The following LHFPL2 variants were observed in gnomAD, a reference collection of about 807,000 sequenced individuals.
The protein encoded by LHFPL2 is LHFPL tetraspan subfamily member 2 protein.
LHFPL2 carries 7 observed loss-of-function variants against 17.5 expected under a neutral mutation model. The observed-to-expected ratio is 0.40, with a 90% CI of 0.23 to 0.75. The LOEUF is 0.75. LHFPL2 is among the 30% of genes least tolerant of loss of function. LHFPL2 has a pLI of 0.37. For synonymous variants in LHFPL2, 134 were observed against 116.2 expected (o/e 1.15, Z -0.99); for missense variants, 241 against 294.8 (o/e 0.82, Z 1.34).
intron 2 of LHFPL2, among the ~76,000 whole-genome samples, chr5:78,576,370 GAA>G (rs1458226119): frequency 6.6e-6 from 1 of 151,910 alleles, no homozygotes; most frequent in East Asian, 1.9e-4. Flanking sequence ...AATTACCCAC[GAA>G]AAAGTAAATA....
rs993263485 is a variant in LHFPL2 at position 78,510,409 on chromosome 5, G to C, written c.-185-11C>G. The C allele has an allele frequency of 5.3e-6, 3 of 569,962 alleles. No homozygotes were observed. The highest frequency in any genetic ancestry group is 6.9e-5 in the Admixed American group (2 of 28,988). 35.3% of individuals were successfully genotyped at this position (569,962 alleles called of 1,614,324 possible). A position where few individuals can be genotyped will look rare whatever the true frequency, so the allele number is the denominator to read the frequency against. On this transcript the variant is annotated splice_polypyrimidine_tract_variant and intron_variant, in intron 3 of 4. Coordinates refer to ENST00000380345, the MANE Select transcript of LHFPL2 (RefSeq NM_005779.3). ...CGCCTGCGGCCTCACCTAGGGGAGA[G>C]GGAGGGCGGTTAGCAGCGCCGCCAG... is the stretch of plus-strand genomic sequence containing the variant.
intron 2 of LHFPL2, among the ~76,000 whole-genome samples, chr5:78,621,420 A>G (rs1744849501): frequency 6.6e-6 from 1 of 151,308 alleles, no homozygotes; most frequent in Non-Finnish European, 1.5e-5. Flanking sequence ...GCCTGCCTGC[A>G]TCTCGGTGGA....
chr5:78,574,941 G>A (rs528481607), intron 2 of LHFPL2, among the ~76,000 whole-genome samples: 1 of 152,330 alleles, frequency 6.6e-6, no homozygotes, highest in South Asian at 2.1e-4. Context: ...GGCTGTCAGA[G>A]CAGGAAGGAC....
At chr5:78,531,690 T>C (rs1047311321) in intron 3 of LHFPL2, among the ~76,000 whole-genome samples, 1 of 152,146 alleles carries the variant, frequency 6.6e-6, no homozygotes, top group Admixed American at 6.5e-5. Context: ...CCTACATTTC[T>C]CAACCTCCTC....
intron 4 of LHFPL2, among the ~76,000 whole-genome samples, chr5:78,494,794 T>C (rs915600312): frequency 6.6e-6 from 1 of 152,216 alleles, no homozygotes; most frequent in Admixed American, 6.5e-5. Flanking sequence ...CTTTGGGGAA[T>C]CTAAATACGT....
At chr5:78,539,376 C>A (rs948146779) in intron 3 of LHFPL2, among the ~76,000 whole-genome samples, 2 of 152,156 alleles carry the variant, frequency 1.3e-5, no homozygotes, top group Non-Finnish European at 2.9e-5. Flanking sequence ...ATTAAGTGAA[C>A]GAAGTGAACC....
At chr5:78,539,741 C>T (rs1756051053) in intron 3 of LHFPL2, among the ~76,000 whole-genome samples, 2 of 151,706 alleles carry the variant, frequency 1.3e-5, no homozygotes, top group Admixed American at 6.5e-5. Context: ...CCTAAAACCA[C>T]ATAGCCTGCT....
At chr5:78,595,501 G>A (rs1485888204) in intron 2 of LHFPL2, among the ~76,000 whole-genome samples, 1 of 152,160 alleles carries the variant, frequency 6.6e-6, no homozygotes, top group East Asian at 1.9e-4. Context: ...GACCAGGCTA[G>A]GAGAATCTTC....
At chr5:78,638,739 G>A (rs2112524532) in intron 1 of LHFPL2, among the ~76,000 whole-genome samples, 1 of 152,288 alleles carries the variant, frequency 6.6e-6, no homozygotes, top group African/African-American at 2.4e-5. Flanking sequence ...GAACCTGAGT[G>A]GCTGACGGGC....
At chr5:78,628,776 T>C (rs150412626) in intron 2 of LHFPL2, among the ~76,000 whole-genome samples, 210 of 152,366 alleles carry the variant, frequency 1.4e-3, no homozygotes, top group African/African-American at 4.8e-3. Flanking sequence ...CTGTTTGTTT[T>C]CTTTTTCAAA....
At chr5:78,528,827 A>C (rs1755696881) in intron 3 of LHFPL2, among the ~76,000 whole-genome samples, 1 of 152,230 alleles carries the variant, frequency 6.6e-6, no homozygotes, top group Admixed American at 6.5e-5. Context: ...TTCAACACCC[A>C]AGACAGTCAC....
At chr5:78,561,033 C>T (rs1237025434) in intron 3 of LHFPL2, among the ~76,000 whole-genome samples, 2 of 152,120 alleles carry the variant, frequency 1.3e-5, no homozygotes, top group African/African-American at 2.4e-5. Flanking sequence ...ATGTGATCAG[C>T]ATAAAAATTA....
Position 78,486,479 on chromosome 5 carries a change from G to A in LHFPL2, c.*2418C>T, listed in dbSNP as rs1048716317. 11 of 152,192 alleles carry A rather than the reference G, an allele frequency of 7.2e-5. No individual in the cohort carries two copies. The highest frequency in any genetic ancestry group is 2.7e-4 in the African/African-American group (11 of 41,438). 9.4% of individuals were successfully genotyped at this position (152,192 alleles called of 1,614,324 possible). The stretch of plus-strand genomic sequence containing the variant: ...CCCAGTGGTTTTTAAACAGCTGTGT[G>A]GAAGAGCATGGTTTAGACTAGCATG... On this transcript the variant is annotated 3_prime_UTR_variant, in exon 5 of 5. Coordinates refer to ENST00000380345, the MANE Select transcript of LHFPL2 (RefSeq NM_005779.3).
chr5:78,532,913 T>G (rs917937846), intron 3 of LHFPL2, among the ~76,000 whole-genome samples: 1 of 152,206 alleles, frequency 6.6e-6, no homozygotes, highest in Non-Finnish European at 1.5e-5. Context: ...TGACAGCACG[T>G]GGGCCTGCTG....
chr5:78,578,581 A>C (rs375471042), intron 2 of LHFPL2, among the ~76,000 whole-genome samples: 11 of 122,640 alleles, frequency 9.0e-5, no homozygotes, highest in African/African-American at 3.3e-4. Context: ...TTTCTTGCAT[A>C]TGTGCACACA....
chr5:78,592,435 C>A (rs1297499055), intron 2 of LHFPL2, among the ~76,000 whole-genome samples: 1 of 152,184 alleles, frequency 6.6e-6, no homozygotes, highest in Non-Finnish European at 1.5e-5. Context: ...TTCTACTTCT[C>A]AGTGCAAACT....
At chr5:78,533,246 T>C (rs1449895006) in intron 3 of LHFPL2, among the ~76,000 whole-genome samples, 1 of 152,180 alleles carries the variant, frequency 6.6e-6, no homozygotes. Context: ...AACATCACTA[T>C]ATGAAGATAG....
chr5:78,635,463 TC>T (rs1382918605), intron 1 of LHFPL2, among the ~76,000 whole-genome samples: 1 of 152,208 alleles, frequency 6.6e-6, no homozygotes, highest in East Asian at 1.9e-4. Flanking sequence ...TGGATCATTT[TC>T]CAAGTCTTGG....
chr5:78,636,019 C>T (rs1173517513), intron 1 of LHFPL2, among the ~76,000 whole-genome samples: 4 of 151,858 alleles, frequency 2.6e-5, no homozygotes, highest in African/African-American at 9.7e-5. Context: ...CACACACACA[C>T]GCGCACACAA....
Sources: allele counts gnomAD v4.1 joint callset (sites outside exome capture counted in the v4.1 genomes callset), GRCh38; gene constraint gnomAD v4.1.1; transcripts MANE v1.5; gene names NCBI Gene and HGNC (gene_info 2026-07-23, HGNC 2026-07-21).